The following DCC variants were observed in gnomAD, a reference collection of about 807,000 sequenced individuals.
DCC encodes DCC netrin 1 receptor, also known as netrin receptor DCC.
Under a neutral mutation model 172.5 loss-of-function variants are expected in DCC, and 58 were observed. The ratio of observed to expected loss-of-function variants is 0.34; its 90% CI spans 0.27 to 0.42. The LOEUF (loss-of-function observed/expected upper bound fraction) is 0.42. DCC is among the 10% of genes least tolerant of loss of function. The probability of loss-of-function intolerance (pLI) is 1.00; values close to 1 mark genes in which losing one functional copy is unlikely to be tolerated. For synonymous variants in DCC, 709 were observed against 644.5 expected, an observed-to-expected ratio of 1.10 and a Z score of -1.52; for missense variants, 1,740 against 1,791.0, an observed-to-expected ratio of 0.97 and a Z score of 0.51.
In DCC at chr18:53,530,692, C is replaced by A. The variant is rs369508959; in HGVS notation, c.*39C>A. 8.3e-5 allele frequency: 92 copies of A among 1,103,660 alleles called. No individual in the cohort carries two copies. The East Asian group carries it at 1.9e-3, about 23-fold the overall frequency. The allele number at this position is 1,103,660 out of a possible 1,614,324, so 68.4% of individuals were successfully genotyped here. On this transcript the variant is annotated 3_prime_UTR_variant, in exon 29 of 29. Transcript: ENST00000442544. ...ATGGATGAGGTGAATTTTCCGGGAA[C>A]TTTGCAGCATACCAATTACCCATAA...
At chr18:53,526,575 A>C (rs1250661495) in intron 27 of DCC, 42 bp from the exon 28 acceptor site, 57 of 1,606,062 alleles carry the variant, frequency 3.5e-5, no homozygotes, top group Non-Finnish European at 4.9e-5. Context: ...GTTCTGCAGA[A>C]TGTTTTCTAC....
intron 9 of DCC, among the ~76,000 whole-genome samples, chr18:53,194,495 T>A (rs778414621): frequency 4.6e-5 from 7 of 151,720 alleles, no homozygotes; most frequent in African/African-American, 9.7e-5. Context: ...TTAGATGGAG[T>A]CTTGCTCTGT....
intron 5 of DCC, among the ~76,000 whole-genome samples, chr18:52,933,393 G>A (rs2040336416): frequency 1.3e-5 from 2 of 151,494 alleles, no homozygotes; most frequent in Non-Finnish European, 2.9e-5. Flanking sequence ...ATGCAACAAA[G>A]ATGAGAGAAT....
At chr18:52,597,597 C>T (rs1204100848) in intron 1 of DCC, among the ~76,000 whole-genome samples, 1 of 152,212 alleles carries the variant, frequency 6.6e-6, no homozygotes, top group Non-Finnish European at 1.5e-5. Flanking sequence ...AGAGACCAAA[C>T]CCTTGGCATC....
chr18:52,723,648 G>C (rs2036506246), intron 1 of DCC, among the ~76,000 whole-genome samples: 1 of 152,166 alleles, frequency 6.6e-6, no homozygotes, highest in Non-Finnish European at 1.5e-5. Flanking sequence ...GAATCACTTA[G>C]CATGGCTTTG....
At chr18:52,624,639 A>G (rs1023971372) in intron 1 of DCC, among the ~76,000 whole-genome samples, 1 of 152,218 alleles carries the variant, frequency 6.6e-6, no homozygotes, top group Admixed American at 6.5e-5. Flanking sequence ...ATCACAGAAT[A>G]TTAGAGCTAG....
chr18:52,757,814 A>G (rs2037099389), intron 2 of DCC, among the ~76,000 whole-genome samples: 2 of 152,138 alleles, frequency 1.3e-5, no homozygotes. Flanking sequence ...TAAGTACCCA[A>G]ATTGACAGGT....
chr18:52,572,768 T>A (rs1243264953), intron 1 of DCC, among the ~76,000 whole-genome samples: 4 of 152,176 alleles, frequency 2.6e-5, no homozygotes, highest in Non-Finnish European at 5.9e-5. Flanking sequence ...CTGGGAGTGA[T>A]ATAAAGTGCG....
At chr18:52,748,071 G>C (rs919708601) in intron 1 of DCC, among the ~76,000 whole-genome samples, 1 of 152,186 alleles carries the variant, frequency 6.6e-6, no homozygotes, top group South Asian at 2.1e-4. Context: ...CACCATAGGC[G>C]TGCCAGGCAT....
chr18:52,681,284 A>G, intron 1 of DCC, among the ~76,000 whole-genome samples: 1 of 151,982 alleles, frequency 6.6e-6, no homozygotes, highest in Non-Finnish European at 1.5e-5. Flanking sequence ...CCACTCCCTT[A>G]TCCTCCGTCC....
intron 2 of DCC, among the ~76,000 whole-genome samples, chr18:52,791,483 G>GT (rs1396206234): frequency 1.8e-4 from 25 of 135,966 alleles, no homozygotes; most frequent in African/African-American, 6.0e-4. Flanking sequence ...TTTTTTTTTT[G>GT]TTTTTTTCCT....
intron 2 of DCC, among the ~76,000 whole-genome samples, chr18:52,781,416 C>CG (rs1173872115): frequency 4.1e-4 from 2 of 4,924 alleles, no homozygotes; most frequent in African/African-American, 4.7e-4. Flanking sequence ...GCTATCTGAG[C>CG]TTGATTACAA....
rs565210320 is a variant in DCC at position 52,885,085 on chromosome 18, A to G, written c.413-20959A>G. ...AAGCACTCCTGTGGCTACCACCACT[A>G]GGAATGTGCTGGTTCAGATCTGAAG... On this transcript the variant is annotated intron_variant, in intron 2 of 28. Transcript: ENST00000442544. Among the ~76,000 whole-genome samples the G allele has an allele frequency of 1.6e-4, 24 of 152,258 alleles. No individual in the cohort carries two copies. In the East Asian group the frequency reaches 4.5e-3, roughly 28 times the overall value.
intron 15 of DCC, among the ~76,000 whole-genome samples, chr18:53,357,542 A>G (rs1406282974): frequency 6.6e-6 from 1 of 152,240 alleles, no homozygotes. Context: ...AGTACCATGT[A>G]GAGAACATTT....
At chr18:52,675,983 T>C (rs1461274197) in intron 1 of DCC, among the ~76,000 whole-genome samples, 1 of 152,232 alleles carries the variant, frequency 6.6e-6, no homozygotes, top group Non-Finnish European at 1.5e-5. Flanking sequence ...TTAGTTTAAT[T>C]ATCTGTAAAA....
At chr18:52,946,584 C>T (rs1485402976) in intron 5 of DCC, among the ~76,000 whole-genome samples, 6 of 152,066 alleles carry the variant, frequency 3.9e-5, no homozygotes, top group South Asian at 2.1e-4. Context: ...GGGTCATAGG[C>T]AGAAGGGACT....
At chr18:52,947,231 A>C (rs560314100) in intron 5 of DCC, among the ~76,000 whole-genome samples, 1 of 152,302 alleles carries the variant, frequency 6.6e-6, no homozygotes, top group Non-Finnish European at 1.5e-5. Flanking sequence ...TTAACACAAA[A>C]CATCTTTAAT....
chr18:53,201,958 G>A lies in DCC; in HGVS notation c.1574-3258G>A, dbSNP rs141371601. Among the ~76,000 whole-genome samples, 369 of 152,198 alleles carry A rather than the reference G, an allele frequency of 2.4e-3. 1 individual carries two copies. The highest frequency in any genetic ancestry group is 8.6e-3 in the African/African-American group (356 of 41,528). On this transcript the variant is annotated intron_variant, in intron 9 of 28. Coordinates refer to ENST00000442544, the MANE Select transcript of DCC (RefSeq NM_005215.4). ...AACCCAGTAGAGATGGATTGGAATG[G>A]GATGCATTACTTTGGAGTCATGAAA...
chr18:52,889,705 G>C (rs866174902), intron 2 of DCC, among the ~76,000 whole-genome samples: 58 of 152,174 alleles, frequency 3.8e-4, no homozygotes, highest in African/African-American at 1.1e-3. Context: ...CAACCCTTTA[G>C]GGTTGAAATT....
Sources: allele counts gnomAD v4.1 joint callset (sites outside exome capture counted in the v4.1 genomes callset), GRCh38; gene constraint gnomAD v4.1.1; transcripts MANE v1.5; gene names NCBI Gene and HGNC (gene_info 2026-07-23, HGNC 2026-07-21).